The following CRB1 variants were observed in gnomAD, a reference collection of about 807,000 sequenced individuals.
CRB1 encodes crumbs cell polarity complex component 1.
In CRB1, 83 loss-of-function variants were observed where a neutral mutation model predicts 120.0. The observed-to-expected ratio is 0.69, with a 90% CI of 0.58 to 0.83. The LOEUF is 0.83. CRB1 is among the 40% of genes least tolerant of loss of function. CRB1 has a pLI of 0.00. For synonymous variants in CRB1, 625 were observed against 612.5 expected (o/e 1.02, Z -0.30); for missense variants, 1,699 against 1,687.6 (o/e 1.01, Z -0.12).
rs963461440 is a variant in CRB1, at chr1:197,434,917, T to C, written c.3054T>C (p.Phe1018=). The C allele has an allele frequency of 1.2e-6, 2 of 1,613,912 alleles. No individual in the cohort carries two copies. The highest frequency in any genetic ancestry group is 1.7e-5 in the Admixed American group (1 of 59,968). Residue 1018 remains phenylalanine (F), a synonymous_variant, in exon 9 of 12, where the codon TTT becomes TTC. Transcript: ENST00000367400. ...LFFQLQSGNS[F]YMLSLTSLQS... The stretch of plus-strand genomic sequence containing the variant: ...TTCAATTGCAAAGTGGCAACAGCTT[T>C]TATATGCTAAGTCTGACAAGTTTGC...
chr1:197,398,385 A>C (rs1204592017), intron 5 of CRB1, among the ~76,000 whole-genome samples: 1 of 152,188 alleles, frequency 6.6e-6, no homozygotes, highest in Non-Finnish European at 1.5e-5. Flanking sequence ...TTTGTATTTT[A>C]GGGTATTTAC....
chr1:197,306,827 A>C (rs1205013843), intron 1 of CRB1, among the ~76,000 whole-genome samples: 1 of 152,172 alleles, frequency 6.6e-6, no homozygotes, highest in Non-Finnish European at 1.5e-5. Context: ...ACAAAAGCCC[A>C]CAGGTGCTCA....
chr1:197,334,223 T>G (rs1031134780), intron 2 of CRB1, among the ~76,000 whole-genome samples: 10 of 152,342 alleles, frequency 6.6e-5, no homozygotes, highest in South Asian at 6.2e-4. Flanking sequence ...GATTTCCATG[T>G]GACATCCTTG....
chr1:197,399,499 T>C (rs899293883), intron 5 of CRB1, among the ~76,000 whole-genome samples: 1 of 152,220 alleles, frequency 6.6e-6, no homozygotes, highest in Non-Finnish European at 1.5e-5. Context: ...GTTCAATCTC[T>C]TTGAGTTTAG....
the CRB1 span, among the ~76,000 whole-genome samples, chr1:197,209,491 G>A: frequency 7.9e-5 from 12 of 151,990 alleles, no homozygotes; most frequent in Non-Finnish European, 1.5e-4. Context: ...GACTACAGGC[G>A]AGTGCCACCA....
At chr1:197,385,820 C>A (rs527404484) in intron 5 of CRB1, among the ~76,000 whole-genome samples, 1 of 151,792 alleles carries the variant, frequency 6.6e-6, no homozygotes, top group African/African-American at 2.4e-5. Context: ...TTAAGATTCT[C>A]TTTTTAATGA....
At chr1:197,405,045 G>C (rs10922217) in intron 5 of CRB1, among the ~76,000 whole-genome samples, 1 of 145,198 alleles carries the variant, frequency 6.9e-6, no homozygotes, top group Non-Finnish European at 1.6e-5. Flanking sequence ...GCTCGCCCTC[G>C]CCCTCTCCCT....
chr1:197,215,077 A>G, the CRB1 span, among the ~76,000 whole-genome samples: 4 of 152,196 alleles, frequency 2.6e-5, no homozygotes, highest in African/African-American at 9.7e-5. Flanking sequence ...AAACATGATC[A>G]TTTCAATAGA....
At chr1:197,475,772 G>A (rs1667169991) in intron 11 of CRB1, among the ~76,000 whole-genome samples, 1 of 151,968 alleles carries the variant, frequency 6.6e-6, no homozygotes, top group South Asian at 2.1e-4. Context: ...CATGGTCAAT[G>A]TATTGGTCAA....
chr1:197,369,295 A>G (rs1054284591), intron 5 of CRB1, among the ~76,000 whole-genome samples: 2 of 152,094 alleles, frequency 1.3e-5, no homozygotes, highest in African/African-American at 4.8e-5. Context: ...GTTTGTTGAG[A>G]GAGTCTGTCT....
At chr1:197,369,007 T>C (rs566133990) in intron 5 of CRB1, among the ~76,000 whole-genome samples, 1 of 151,988 alleles carries the variant, frequency 6.6e-6, no homozygotes, top group Non-Finnish European at 1.5e-5. Context: ...AAACGTTTGT[T>C]AGAGTAAGAA....
chr1:197,388,786 C>T (rs979448864), intron 5 of CRB1, among the ~76,000 whole-genome samples: 1 of 152,030 alleles, frequency 6.6e-6, no homozygotes, highest in Admixed American at 6.6e-5. Flanking sequence ...AAATATTACT[C>T]TTATTAATTT....
At chr1:197,455,168 G>C (rs1373164778) in intron 11 of CRB1, among the ~76,000 whole-genome samples, 1 of 152,086 alleles carries the variant, frequency 6.6e-6, no homozygotes, top group African/African-American at 2.4e-5. Flanking sequence ...ACATATCCTA[G>C]TTATTACCCA....
chr1:197,396,854 G>C (rs1662798052), intron 5 of CRB1, among the ~76,000 whole-genome samples: 1 of 151,978 alleles, frequency 6.6e-6, no homozygotes, highest in East Asian at 1.9e-4. Flanking sequence ...ACTTCGAAGA[G>C]AACACAGAAA....
intron 5 of CRB1, among the ~76,000 whole-genome samples, chr1:197,376,313 T>C (rs896000372): frequency 6.6e-6 from 1 of 152,182 alleles, no homozygotes; most frequent in Admixed American, 6.5e-5. Flanking sequence ...TTTAGATAGC[T>C]AAAATGATTT....
intron 5 of CRB1, among the ~76,000 whole-genome samples, chr1:197,419,008 T>C (rs1323496483): frequency 6.6e-6 from 1 of 152,212 alleles, no homozygotes; most frequent in East Asian, 1.9e-4. Context: ...CCTACTACTT[T>C]TTAGTATTGG....
Position 197,359,836 on chromosome 1 carries a change from T to A in CRB1, c.1171+2823T>A, listed in dbSNP as rs116053171. Among the ~76,000 whole-genome samples the A allele has an allele frequency of 6.5e-3, 983 of 152,332 alleles. 18 individuals are homozygous for A. Among genetic ancestry groups the A allele is most frequent in the African/African-American group, 0.023 (947 of 41,574 alleles). ...TATCACTGTGGTTTTAATTTGCATT[T>A]ACCTAATGCCTAGTGATGTTGAACA... On this transcript the variant is annotated intron_variant, in intron 5 of 11. Transcript: ENST00000367400.
At chr1:197,296,433 C>T (rs535435424) in intron 1 of CRB1, among the ~76,000 whole-genome samples, 1 of 152,162 alleles carries the variant, frequency 6.6e-6, no homozygotes, top group Admixed American at 6.6e-5. Flanking sequence ...TAAATTTCTA[C>T]TTGTGTTATC....
rs564586584 is a variant in CRB1 at position 197,331,956 on chromosome 1, C to T, written c.652+2953C>T. On this transcript the variant is annotated intron_variant, in intron 2 of 11. Coordinates refer to ENST00000367400, the MANE Select transcript of CRB1 (RefSeq NM_201253.3). ...TTCGGAGGCTGAGGCCGGCAGATCA[C>T]GAGGTCAGGAGATGGATACCACACT... 2.7e-4 allele frequency among the ~76,000 whole-genome samples: 41 copies of T among 152,144 alleles called. No homozygotes were observed. In the East Asian group the frequency reaches 5.2e-3, roughly 19 times the overall value.
Sources: allele counts gnomAD v4.1 joint callset (sites outside exome capture counted in the v4.1 genomes callset), GRCh38; gene constraint gnomAD v4.1.1; transcripts MANE v1.5; gene names NCBI Gene and HGNC (gene_info 2026-07-23, HGNC 2026-07-21).